Variants in UNC45B observed in about 807,000 individuals in gnomAD.
UNC45B encodes unc-45 myosin chaperone B.
A neutral mutation model predicts 98.7 loss-of-function variants in UNC45B; 78 were observed. That is an observed-to-expected ratio of 0.79 (90% CI 0.66 to 0.95). UNC45B has a LOEUF of 0.95. Ranked by LOEUF, UNC45B falls within the 40% of genes least tolerant of loss-of-function variation. The pLI, the probability that UNC45B is intolerant of heterozygous loss-of-function variation, is 0.00. For synonymous variants in UNC45B, 462 were observed against 480.4 expected (o/e 0.96, Z 0.50); for missense variants, 1,225 against 1,184.9 (o/e 1.03, Z -0.50).
In UNC45B at chr17:35,177,787, C is replaced by T. The variant is rs369425317; in HGVS notation, c.2255+177C>T. Among the ~76,000 whole-genome samples, 20 of 152,262 alleles carry T rather than the reference C, an allele frequency of 1.3e-4. No individual in the cohort carries two copies. In the East Asian group the frequency reaches 3.1e-3, roughly 23 times the overall value. The stretch of plus-strand genomic sequence containing the variant: ...GTGACTATACCAAAGCCAAAAAATG[C>T]TACAAGGCCCTTCTTTTTCTTTTCT... On this transcript the variant is annotated intron_variant, in intron 17 of 19. Transcript: ENST00000394570.
intron 15 of UNC45B, 38 bp downstream of exon 15, chr17:35,176,072 G>A (rs951056692): frequency 6.2e-6 from 10 of 1,601,432 alleles, no homozygotes; most frequent in Non-Finnish European, 8.6e-6. Context: ...GTGCCTTTGT[G>A]CATGCTCTTT....
chr17:35,162,929 G>T (rs2092111755), intron 8 of UNC45B, among the ~76,000 whole-genome samples: 1 of 152,056 alleles, frequency 6.6e-6, no homozygotes, highest in East Asian at 1.9e-4. Context: ...CTAAAACCTG[G>T]CTCCGAAATC....
intron 8 of UNC45B, among the ~76,000 whole-genome samples, chr17:35,161,906 C>G (rs546229012): frequency 1.3e-5 from 2 of 152,108 alleles, no homozygotes; most frequent in Non-Finnish European, 2.9e-5. Flanking sequence ...AATGAAGCCT[C>G]TATTTAAAAA....
intron 10 of UNC45B, among the ~76,000 whole-genome samples, chr17:35,169,539 T>G (rs2092167193): frequency 6.6e-6 from 1 of 152,150 alleles, no homozygotes; most frequent in Non-Finnish European, 1.5e-5. Flanking sequence ...GTTAACTTGG[T>G]CTTGCTGGTT....
At chr17:35,164,418 T>G in intron 9 of UNC45B, 1 of 342,218 alleles carries the variant, frequency 2.9e-6, no homozygotes, top group Non-Finnish European at 5.3e-6. Context: ...GATGGTGGAC[T>G]CACACAGCTG....
rs1421791301 is a variant in UNC45B at position 35,187,622 on chromosome 17, T to C, written c.*1063T>C. ...CATATATACAAGTCTAGGGAAGAAA[T>C]GAGCTTCATCCCTGTCCAATTGACA... On this transcript the variant is annotated 3_prime_UTR_variant, in exon 20 of 20. Transcript: ENST00000394570. 1 of 152,138 alleles carries C rather than the reference T, an allele frequency of 6.6e-6. No homozygotes were observed. The allele number at this position is 152,138 out of a possible 1,614,324, so 9.4% of individuals were successfully genotyped here.
At chr17:35,176,866 T>G in intron 15 of UNC45B, 151 bp from the exon 16 acceptor site, 1 of 580,860 alleles carries the variant, frequency 1.7e-6, no homozygotes, top group Non-Finnish European at 3.1e-6. Context: ...GATTAAGGAT[T>G]TAATTGTTTT....
At chr17:35,167,760 C>T (rs1049467569) in intron 9 of UNC45B, among the ~76,000 whole-genome samples, 8 of 152,182 alleles carry the variant, frequency 5.3e-5, no homozygotes, top group Admixed American at 1.3e-4. Context: ...CCTTCTCTTC[C>T]CAAGAGCTCT....
rs1183594244 is a variant in UNC45B, at chr17:35,188,524, A to AGTGCAGTG, written c.*1973_*1980dup. ...TGCTCTGTAACCTAGGCTCAAGTGCAGTGCAGTGGTGCAGTCATGGCTCAC... is the reference window on the plus strand; with the variant it reads ...TGCTCTGTAACCTAGGCTCAAGTGCAGTGCAGTGGTGCAGTGGTGCAGTCATGGCTCAC... On this transcript the variant is annotated 3_prime_UTR_variant, in exon 20 of 20. Coordinates refer to ENST00000394570, the MANE Select transcript of UNC45B (RefSeq NM_001267052.2). 2 of 147,820 alleles carry AGTGCAGTG rather than the reference A, an allele frequency of 1.4e-5. No individual in the cohort carries two copies. The highest frequency in any genetic ancestry group is 2.5e-5 in the African/African-American group (1 of 39,742). The allele number at this position is 147,820 out of a possible 1,614,324, so 9.2% of individuals were successfully genotyped here.
rs74403538 is a variant in UNC45B at position 35,183,450 on chromosome 17, C to G, written c.2397C>G (p.Asp799Glu). ...HKEVQERFLA[D>E]GNDRLKLVVL... ...AGGTACAGGAAAGGTTCTTGGCTGACGGGAATGACCGGCTGAAGCTGGTGG... is the reference window on the plus strand; with the variant it reads ...AGGTACAGGAAAGGTTCTTGGCTGAGGGGAATGACCGGCTGAAGCTGGTGG... Residue 799 changes from aspartate (D) to glutamate (E), a missense_variant, in exon 19 of 20, where the codon GAC becomes GAG. Asp to Glu is a conservative substitution (Grantham distance 45, BLOSUM62 2). Transcript: ENST00000394570. 6.3e-7 allele frequency: 1 copy of G among 1,593,996 alleles called. No homozygotes were observed. The highest frequency in any genetic ancestry group is 1.1e-5 in the South Asian group (1 of 87,956).
intron 9 of UNC45B, chr17:35,164,481 C>T (rs1157260248): frequency 9.3e-6 from 2 of 215,038 alleles, no homozygotes; most frequent in African/African-American, 4.6e-5. Context: ...CCCTGCAGAC[C>T]TCTCTGCAGC....
chr17:35,170,529 T>TAAA, intron 12 of UNC45B, among the ~76,000 whole-genome samples: 2 of 70,098 alleles, frequency 2.9e-5, no homozygotes, highest in Non-Finnish European at 5.5e-5. Context: ...CTGAGGCAGC[T>TAAA]AAAAAAAAAA....
In UNC45B at chr17:35,170,216, G is replaced by A. The variant is rs1218986002; in HGVS notation, c.1650G>A (p.Gln550=). 4 of 1,613,538 alleles carry A rather than the reference G, an allele frequency of 2.5e-6. No individual in the cohort carries two copies. Among genetic ancestry groups the A allele is most frequent in the East Asian group, 4.5e-5 (2 of 44,884 alleles). The change falls in exon 12 of 20, where the codon CAG becomes CAA. Residue 550 remains glutamine (Q), a synonymous_variant. Transcript: ENST00000394570. ...CTGATGTGAAGGACGACTTTGTCCA[G>A]GACGTCCCTGCCCTGCAGGCCATGT... ...LDADVKDDFV[Q]DVPALQAMFE...
intron 6 of UNC45B, among the ~76,000 whole-genome samples, chr17:35,155,035 C>T (rs1482294344): frequency 6.6e-6 from 1 of 152,240 alleles, no homozygotes; most frequent in African/African-American, 2.4e-5. Context: ...TCCATATGGT[C>T]CTGCCACCGT....
chr17:35,159,395 CAG>C lies in UNC45B; in HGVS notation c.831_832del (p.Gln277HisfsTer28). On this transcript the variant is annotated frameshift_variant, in exon 8 of 20. Coordinates refer to ENST00000394570, the MANE Select transcript of UNC45B (RefSeq NM_001267052.2). LOFTEE classifies it high-confidence loss of function. ...LVLDTKKDLK[Q>X]ITSHLLDMLV... Reference sequence around the variant, plus strand: ...TTCAGACACCAAGAAGGACCTGAAGCAGATCACCAGCCACCTGCTGGACATGC... The same window carrying C: ...TTCAGACACCAAGAAGGACCTGAAGCATCACCAGCCACCTGCTGGACATGC... 2 of 1,613,660 alleles carry C rather than the reference CAG, an allele frequency of 1.2e-6. No individual in the cohort carries two copies. Among genetic ancestry groups the C allele is most frequent in the Non-Finnish European group, 1.7e-6 (2 of 1,179,666 alleles).
chr17:35,182,451 C>G (rs2092279921), intron 18 of UNC45B, among the ~76,000 whole-genome samples: 1 of 151,604 alleles, frequency 6.6e-6, no homozygotes, highest in South Asian at 2.1e-4. Flanking sequence ...GAACTGTCTT[C>G]TCCTCTGCCA....
rs575217604 is a variant in UNC45B at position 35,186,303 on chromosome 17, C to G, written c.2534C>G (p.Thr845Ser). 7 of 1,613,876 alleles carry G rather than the reference C, an allele frequency of 4.3e-6. No homozygotes were observed. The South Asian group carries it at 6.6e-5, about 15-fold the overall frequency. The change falls in exon 20 of 20, where the codon ACC (threonine) becomes AGC (serine). Residue 845 changes from threonine (T) to serine (S), a missense_variant. Transcript: ENST00000394570. Reference protein sequence around the residue: ...KLCLKMTQVTTQWLEILQRLC... With the variant: ...KLCLKMTQVTSQWLEILQRLC... ...TACCTTTTTCCCTGCCTCCAGACAA[C>G]CCAGTGGTTGGAGATCCTCCAGCGG...
chr17:35,159,426 T>C lies in UNC45B; in HGVS notation c.860T>C (p.Val287Ala). Residue 287 changes from valine to alanine, a missense_variant, in exon 8 of 20, where the codon GTC becomes GCC. Physicochemically the swap from Val to Ala is moderately conservative, Grantham distance 64. Transcript: ENST00000394570. ...ACCAGCCACCTGCTGGACATGCTAG[T>C]CAGCAAGAAGGTGTCTGGCCAGGGC... The part of the protein sequence containing the change: ...QITSHLLDML[V>A]SKKVSGQGRD... 1 of 1,614,046 alleles carries C rather than the reference T, an allele frequency of 6.2e-7. No homozygotes were observed.
At chr17:35,170,808 G>T (rs569622215) in intron 12 of UNC45B, among the ~76,000 whole-genome samples, 63 of 152,252 alleles carry the variant, frequency 4.1e-4, no homozygotes, top group Admixed American at 2.5e-3. Context: ...CTGCACTCCA[G>T]CCTGGGTGAC....
Sources: gnomAD v4.1 joint callset for allele counts (sites outside exome capture counted in the v4.1 genomes callset) on GRCh38, gnomAD v4.1.1 for gene constraint, MANE v1.5 for transcripts, NCBI Gene and HGNC (gene_info 2026-07-23, HGNC 2026-07-21) for gene names.